TNNI3K: variants seen among roughly 807,000 people sequenced by gnomAD.
TNNI3K encodes serine/threonine-protein kinase TNNI3K.
TNNI3K carries 140 observed loss-of-function variants against 114.5 expected under a neutral mutation model. The ratio of observed to expected loss-of-function variants is 1.22; its 90% CI spans 1.07 to 1.41. The LOEUF is 1.41. Ranked by LOEUF, TNNI3K falls within the 40% of genes most tolerant of loss-of-function variation. The pLI, the probability that TNNI3K is intolerant of heterozygous loss-of-function variation, is 0.00. For missense variants in TNNI3K, 1,125 were observed against 1,007.6 expected (o/e 1.12, Z -1.58); for synonymous variants, 347 against 347.5 (o/e 1.00, Z 0.02).
At chr1:74,469,844 G>T (rs1326686150) in intron 21 of TNNI3K, 2 of 400,170 alleles carry the variant, frequency 5.0e-6, no homozygotes, top group Non-Finnish European at 4.4e-6. Flanking sequence ...AGCTAAAGTA[G>T]AAAAGGATTA....
intron 3 of TNNI3K, 70 bp downstream of exon 3, chr1:74,249,614 A>G: frequency 2.1e-6 from 3 of 1,445,720 alleles, no homozygotes; most frequent in Non-Finnish European, 2.8e-6. Context: ...TGAGCTGCTT[A>G]ATAGTCTGCA....
In TNNI3K at chr1:74,439,598, A is replaced by T; in HGVS notation, c.1987A>T (p.Ile663Phe). Reference protein sequence around the residue: ...LCLWEILTGEIPFAHLKPAAA... With the variant: ...LCLWEILTGEFPFAHLKPAAA... ...TCTGTGGGAAATTCTCACTGGCGAA[A>T]TTCCATTCGCTCATCTCAAGCCAGG... The change falls in exon 20 of 25, where the codon ATT becomes TTT. Residue 663 changes from isoleucine (I) to phenylalanine (F), a missense_variant. By Grantham distance (21) the Ile-to-Phe change is conservative. Coordinates refer to ENST00000326637, the MANE Select transcript of TNNI3K (RefSeq NM_015978.3). 2.5e-6 allele frequency: 4 copies of T among 1,613,472 alleles called. No individual in the cohort carries two copies. The highest frequency in any genetic ancestry group is 3.4e-6 in the Non-Finnish European group (4 of 1,179,620).
intron 2 of TNNI3K, among the ~76,000 whole-genome samples, chr1:74,238,896 G>T (rs1352452247): frequency 6.6e-6 from 1 of 152,020 alleles, no homozygotes; most frequent in Non-Finnish European, 1.5e-5. Context: ...TAAAATTTTC[G>T]ATTCCATGAC....
intron 2 of TNNI3K, among the ~76,000 whole-genome samples, chr1:74,244,532 C>T (rs937793630): frequency 6.6e-6 from 1 of 151,428 alleles, no homozygotes; most frequent in Admixed American, 6.6e-5. Context: ...TGGACCCTGG[C>T]ATCTTGTATT....
chr1:74,526,280 T>C (rs1472351958), intron 23 of TNNI3K, among the ~76,000 whole-genome samples: 2 of 151,902 alleles, frequency 1.3e-5, no homozygotes, highest in Admixed American at 1.3e-4. Flanking sequence ...TGAACTTTCC[T>C]CAATCCAAAA....
At chr1:74,491,483 G>A (rs1375635981) in intron 22 of TNNI3K, among the ~76,000 whole-genome samples, 2 of 151,656 alleles carry the variant, frequency 1.3e-5, no homozygotes, top group South Asian at 2.1e-4. Flanking sequence ...CTCATGATCC[G>A]CTCACCTCAG....
intron 23 of TNNI3K, among the ~76,000 whole-genome samples, chr1:74,523,696 T>C (rs1380838010): frequency 6.6e-6 from 1 of 152,240 alleles, no homozygotes; most frequent in Non-Finnish European, 1.5e-5. Flanking sequence ...AGGTGATCAA[T>C]ACCTATTTGT....
At chr1:74,270,863 A>G (rs892163448) in intron 4 of TNNI3K, among the ~76,000 whole-genome samples, 3 of 151,534 alleles carry the variant, frequency 2.0e-5, no homozygotes, top group African/African-American at 4.9e-5. Context: ...TAAAAATTCA[A>G]TGACTGTTAA....
At position 74,390,464 on chromosome 1, in the gene TNNI3K, A is replaced by G. The variant is rs971147398; in HGVS notation, c.1772+20072A>G. On this transcript the variant is annotated intron_variant, in intron 17 of 24. Transcript: ENST00000326637. ...CTCTGAAATGTTTCTGGTTCAGATG[A>G]CTCTTTGGAAGTGATATATTCATTG... 1.9e-4 allele frequency among the ~76,000 whole-genome samples: 29 copies of G among 152,074 alleles called. 1 individual carries two copies. The highest frequency in any genetic ancestry group is 2.9e-5 in the Non-Finnish European group (2 of 67,994).
chr1:74,535,529 A>C (rs57603377), intron 23 of TNNI3K, among the ~76,000 whole-genome samples: 5,997 of 152,206 alleles, frequency 0.039, 184 homozygotes, highest in East Asian at 0.081. Context: ...CTGGGACGTC[A>C]CTTGTCACAT....
chr1:74,331,243 G>C (rs1660184765), intron 5 of TNNI3K, among the ~76,000 whole-genome samples: 1 of 152,158 alleles, frequency 6.6e-6, no homozygotes, highest in African/African-American at 2.4e-5. Context: ...CAGATTGAAG[G>C]GACCTTGAAT....
intron 17 of TNNI3K, chr1:74,418,326 G>C (rs954327338): frequency 1.5e-5 from 3 of 199,260 alleles, no homozygotes; most frequent in African/African-American, 7.1e-5. Flanking sequence ...CTAGGACTCT[G>C]AAATAAAAAA....
At chr1:74,373,994 T>C (rs932237791) in intron 17 of TNNI3K, 8 of 151,950 alleles carry the variant, frequency 5.3e-5, no homozygotes, top group African/African-American at 1.9e-4. Context: ...CATTTGCATA[T>C]TTCCTATGCA....
chr1:74,504,427 G>C (rs1243078183), intron 23 of TNNI3K, among the ~76,000 whole-genome samples: 1 of 152,144 alleles, frequency 6.6e-6, no homozygotes, highest in Non-Finnish European at 1.5e-5. Flanking sequence ...ACAAAGGTGT[G>C]CAGCCTCAAA....
At chr1:74,348,313 A>T (rs1346056337) in intron 9 of TNNI3K, among the ~76,000 whole-genome samples, 2 of 151,950 alleles carry the variant, frequency 1.3e-5, no homozygotes, top group African/African-American at 2.4e-5. Context: ...GTTGTAGATA[A>T]GCAGCATTAT....
At chr1:74,300,463 A>G (rs1254080360) in intron 5 of TNNI3K, among the ~76,000 whole-genome samples, 3 of 152,236 alleles carry the variant, frequency 2.0e-5, no homozygotes, top group Non-Finnish European at 2.9e-5. Flanking sequence ...CCTGAATGGA[A>G]TTACAGAATT....
chr1:74,254,121 T>C (rs1655130203), intron 4 of TNNI3K, among the ~76,000 whole-genome samples: 1 of 152,222 alleles, frequency 6.6e-6, no homozygotes, highest in Non-Finnish European at 1.5e-5. Context: ...AAACTGCTTA[T>C]CCAGGTTCAT....
chr1:74,444,420 C>T (rs1315855486), intron 20 of TNNI3K, among the ~76,000 whole-genome samples: 1 of 151,774 alleles, frequency 6.6e-6, no homozygotes, highest in Non-Finnish European at 1.5e-5. Context: ...GTGAATGAAC[C>T]TCTCACTCAC....
intron 2 of TNNI3K, 64 bp downstream of exon 2, chr1:74,236,274 A>C: frequency 1.4e-6 from 2 of 1,413,992 alleles, no homozygotes; most frequent in Admixed American, 2.1e-5. Flanking sequence ...TATTTTTTAA[A>C]GTATCTGTAT....
Sources: allele counts gnomAD v4.1 joint callset (sites outside exome capture counted in the v4.1 genomes callset), GRCh38; gene constraint gnomAD v4.1.1; transcripts MANE v1.5; gene names NCBI Gene and HGNC (gene_info 2026-07-23, HGNC 2026-07-21).